Variants in RAB27B observed in about 807,000 individuals in gnomAD.
The protein encoded by RAB27B is ras-related protein Rab-27B.
Under a neutral mutation model 24.6 loss-of-function variants are expected in RAB27B, and 15 were observed. That is an observed-to-expected ratio of 0.61 (90% CI 0.41 to 0.94). RAB27B has a LOEUF of 0.94. Among genes scored for constraint, RAB27B ranks in the 40% least tolerant of loss-of-function variants. The pLI, the probability that RAB27B is intolerant of heterozygous loss-of-function variation, is 0.00. For synonymous variants in RAB27B, 105 were observed against 92.5 expected, an observed-to-expected ratio of 1.14 and a Z score of -0.78; for missense variants, 261 against 266.8, an observed-to-expected ratio of 0.98 and a Z score of 0.15.
At chr18:54,779,176 C>T (rs914031768) in intron 2 of RAB27B, among the ~76,000 whole-genome samples, 3 of 152,076 alleles carry the variant, frequency 2.0e-5, no homozygotes, top group Non-Finnish European at 2.9e-5. Flanking sequence ...TAGTTGGCTC[C>T]AATTATGTCA....
At chr18:54,790,149 C>G (rs990176008) in intron 2 of RAB27B, among the ~76,000 whole-genome samples, 10 of 151,916 alleles carry the variant, frequency 6.6e-5, no homozygotes, top group Non-Finnish European at 2.9e-5. Flanking sequence ...TTTATTAAAA[C>G]ACACACACAA....
chr18:54,831,406 G>C (rs968438821), intron 1 of RAB27B, among the ~76,000 whole-genome samples: 16 of 152,130 alleles, frequency 1.1e-4, no homozygotes, highest in African/African-American at 3.9e-4. Flanking sequence ...ACAGGTCTTG[G>C]AGGACTTTGA....
intron 1 of RAB27B, among the ~76,000 whole-genome samples, chr18:54,839,116 T>A (rs1164976186): frequency 6.6e-6 from 1 of 152,136 alleles, no homozygotes; most frequent in Non-Finnish European, 1.5e-5. Context: ...TTTGACATGG[T>A]TATCAAGGGT....
intron 1 of RAB27B, among the ~76,000 whole-genome samples, chr18:54,868,552 A>G (rs781259556): frequency 1.3e-5 from 2 of 152,116 alleles, no homozygotes; most frequent in Non-Finnish European, 2.9e-5. Flanking sequence ...CATTGCACAC[A>G]TTTATCATTT....
intron 2 of RAB27B, among the ~76,000 whole-genome samples, chr18:54,766,420 G>T (rs1031580349): frequency 1.3e-5 from 2 of 151,976 alleles, no homozygotes; most frequent in Non-Finnish European, 2.9e-5. Flanking sequence ...CTTTGCCTTC[G>T]GTTGCCTTAA....
intron 2 of RAB27B, among the ~76,000 whole-genome samples, chr18:54,793,274 C>T (rs12458494): frequency 0.16 from 24,211 of 152,048 alleles, 2,310 homozygotes; most frequent in East Asian, 0.32. Flanking sequence ...AAACAGAATT[C>T]GTTGGATTAA....
intron 2 of RAB27B, among the ~76,000 whole-genome samples, chr18:54,726,151 A>C (rs971548570): frequency 6.6e-6 from 1 of 151,524 alleles, no homozygotes; most frequent in Non-Finnish European, 1.5e-5. Flanking sequence ...ATAATAATTC[A>C]AGTAAGAAAG....
At chr18:54,810,394 A>T (rs922800621) in intron 2 of RAB27B, among the ~76,000 whole-genome samples, 2 of 152,178 alleles carry the variant, frequency 1.3e-5, no homozygotes, top group African/African-American at 2.4e-5. Flanking sequence ...AGTTATTGTT[A>T]TTATCATCTA....
chr18:54,823,546 TACAAATG>T (rs1910377987), upstream of RAB27B, among the ~76,000 whole-genome samples: 1 of 152,188 alleles, frequency 6.6e-6, no homozygotes, highest in Admixed American at 6.5e-5. Flanking sequence ...GTTTAAAGCT[TACAAATG>T]CTGGTTTTCT....
intron 1 of RAB27B, among the ~76,000 whole-genome samples, chr18:54,840,884 C>G (rs987139147): frequency 3.9e-5 from 6 of 152,026 alleles, no homozygotes; most frequent in Non-Finnish European, 7.4e-5. Flanking sequence ...GTGGGTGGCT[C>G]AAGCCTGTAA....
intron 2 of RAB27B, among the ~76,000 whole-genome samples, chr18:54,782,742 A>C (rs980338204): frequency 1.8e-4 from 27 of 152,364 alleles, no homozygotes; most frequent in East Asian, 1.2e-3. Context: ...TGACCCTTGT[A>C]CAATTTTAGA....
chr18:54,885,925 G>C, intron 4 of RAB27B: 1 of 153,704 alleles, frequency 6.5e-6, no homozygotes, highest in Non-Finnish European at 1.4e-5. Context: ...TGAGCAAAGG[G>C]GGACGTGCCA....
intron 1 of RAB27B, among the ~76,000 whole-genome samples, chr18:54,864,361 A>C (rs1436655772): frequency 1.9e-4 from 29 of 152,120 alleles, no homozygotes; most frequent in Non-Finnish European, 7.4e-5. Context: ...TTGTCTTTTT[A>C]TCAAGCTATA....
chr18:54,826,069 G>A (rs1306054839), upstream of RAB27B, among the ~76,000 whole-genome samples: 4 of 152,106 alleles, frequency 2.6e-5, no homozygotes, highest in Admixed American at 1.3e-4. Context: ...CTGCTTATTT[G>A]TCTTTGTGAT....
At chr18:54,881,070 C>T (rs1288708912) in intron 3 of RAB27B, among the ~76,000 whole-genome samples, 1 of 152,098 alleles carries the variant, frequency 6.6e-6, no homozygotes, top group Non-Finnish European at 1.5e-5. Flanking sequence ...AAGGCACAGA[C>T]TTCATTCCCA....
Position 54,850,359 on chromosome 18 carries a change from T to TATATATATATAC in RAB27B, c.-20+21660_-20+21661insTATATATATACA, listed in dbSNP as rs1491518141. Among the ~76,000 whole-genome samples, 141 of 126,862 alleles carry TATATATATATAC rather than the reference T, an allele frequency of 1.1e-3. 3 individuals carry two copies. The highest frequency in any genetic ancestry group is 4.0e-3 in the African/African-American group (129 of 31,994). 83.2% of individuals were successfully genotyped at this position (126,862 alleles called of 152,430 possible). ...ATATATATATATATATATATATATA[T>TATATATATATAC]ACATACATACATATGTTTAGTTTTT... On this transcript the variant is annotated intron_variant, in intron 1 of 5. Transcript: ENST00000262094.
intron 1 of RAB27B, among the ~76,000 whole-genome samples, chr18:54,830,486 T>C (rs1910631675): frequency 6.6e-6 from 1 of 152,198 alleles, no homozygotes; most frequent in Admixed American, 6.5e-5. Context: ...ATAGTTCAGC[T>C]CTTAAGCAAG....
chr18:54,887,907 A>C, intron 4 of RAB27B, 88 bp from the exon 5 acceptor site: 1 of 1,472,778 alleles, frequency 6.8e-7, no homozygotes, highest in Non-Finnish European at 9.2e-7. Flanking sequence ...GGAGATAAGC[A>C]ATTAGATCAG....
At chr18:54,875,417 G>A (rs1598984947) in intron 1 of RAB27B, among the ~76,000 whole-genome samples, 1 of 152,224 alleles carries the variant, frequency 6.6e-6, no homozygotes, top group Non-Finnish European at 1.5e-5. Flanking sequence ...GTCTGTATTG[G>A]AATAATTGAG....
Sources: gnomAD v4.1 joint callset for allele counts (sites outside exome capture counted in the v4.1 genomes callset) on GRCh38, gnomAD v4.1.1 for gene constraint, MANE v1.5 for transcripts, NCBI Gene and HGNC (gene_info 2026-07-23, HGNC 2026-07-21) for gene names.